The following ZNF501 variants were observed in gnomAD, a reference collection of about 807,000 sequenced individuals.
ZNF501 encodes the protein zinc finger protein 501.
ZNF501 carries 7 observed loss-of-function variants against 5.7 expected under a neutral mutation model. That is an observed-to-expected ratio of 1.24 (90% CI 0.70 to 2.32). ZNF501 has a LOEUF of 2.32. Ranked by LOEUF, ZNF501 falls within the 30% of genes most tolerant of loss-of-function variation. The pLI is 0.00. For synonymous variants in ZNF501, 107 were observed against 101.9 expected (o/e 1.05, Z -0.30); for missense variants, 352 against 321.1 (o/e 1.10, Z -0.73).
chr3:44,729,635 A>G lies in ZNF501; in HGVS notation c.-691A>G, dbSNP rs1455110214. The G allele has an allele frequency of 6.6e-6, 1 of 152,318 alleles. No individual in the cohort carries two copies. Among genetic ancestry groups the G allele is most frequent in the Admixed American group, 6.5e-5 (1 of 15,288 alleles). 9.4% of individuals were successfully genotyped at this position (152,318 alleles called of 1,614,324 possible). ...CGCCGGCTGGGCGCGTCCGGGACTT[A>G]CTCCTTTCCGCAGGGCAGCACCCAG... On this transcript the variant is annotated 5_prime_UTR_variant, in exon 1 of 3. Coordinates refer to ENST00000620116, the MANE Select transcript of ZNF501 (RefSeq NM_001258280.2).
intron 1 of ZNF501, among the ~76,000 whole-genome samples, chr3:44,730,335 A>C (rs1704591845): frequency 6.6e-6 from 1 of 152,252 alleles, no homozygotes; most frequent in African/African-American, 2.4e-5. Flanking sequence ...GGTGGAAGAC[A>C]GAATGTAATC....
At chr3:44,733,331 G>T (rs1014308008) in intron 2 of ZNF501, among the ~76,000 whole-genome samples, 1 of 152,074 alleles carries the variant, frequency 6.6e-6, no homozygotes, top group Non-Finnish European at 1.5e-5. Flanking sequence ...GGGCACCAGG[G>T]TTTCAAAATT....
chr3:44,734,328 A>C lies in ZNF501; in HGVS notation c.-94A>C. The stretch of plus-strand genomic sequence containing the variant: ...GTGTGATGTGTGTGAGCACACACAC[A>C]CAGTAACCTTTCCTAGGAGAACTGT... On this transcript the variant is annotated 5_prime_UTR_variant, in exon 3 of 3. Transcript: ENST00000620116. The C allele has an allele frequency of 9.1e-7, 1 of 1,096,866 alleles. No homozygotes were observed. Among genetic ancestry groups the C allele is most frequent in the Non-Finnish European group, 1.3e-6 (1 of 757,900 alleles). The allele number at this position is 1,096,866 out of a possible 1,614,324, so 67.9% of individuals were successfully genotyped here.
At chr3:44,730,375 T>G (rs1485886280) in intron 1 of ZNF501, among the ~76,000 whole-genome samples, 1 of 152,254 alleles carries the variant, frequency 6.6e-6, no homozygotes, top group Non-Finnish European at 1.5e-5. Flanking sequence ...TAGAAACTTG[T>G]AAAATTCTTT....
At position 44,734,940 on chromosome 3, in the gene ZNF501, G is replaced by C. The variant is rs1704671685; in HGVS notation, c.519G>C (p.Gln173His). 1 of 1,614,064 alleles carries C rather than the reference G, an allele frequency of 6.2e-7. No individual in the cohort carries two copies. The highest frequency in any genetic ancestry group is 8.5e-7 in the Non-Finnish European group (1 of 1,180,018). ...KCNECGKAFN[Q>H]SACLMQHQRI... ...ATGAATGTGGGAAAGCCTTTAATCA[G>C]AGTGCATGTCTCATGCAGCATCAGA... The change falls in exon 3 of 3, where the codon CAG (glutamine) becomes CAC (histidine). Residue 173 changes from glutamine to histidine, a missense_variant. Transcript: ENST00000620116.
rs1704660953 is a variant in ZNF501 at position 44,734,473 on chromosome 3, CAG to C, written c.54_55del (p.Lys19GlufsTer6). 6.2e-7 allele frequency: 1 copy of C among 1,613,956 alleles called. No individual in the cohort carries two copies. The highest frequency in any genetic ancestry group is 8.5e-7 in the Non-Finnish European group (1 of 1,179,968). On this transcript the variant is annotated frameshift_variant, in exon 3 of 3. Coordinates refer to ENST00000620116, the MANE Select transcript of ZNF501 (RefSeq NM_001258280.2). LOFTEE classifies it high-confidence loss of function. ...AATGAAACATGGGAGAGTTAACATG[CAG>C]AAGAAACCTTCAAAGTGTAGTGAAT... ...LRMKHGRVNM[Q>X]KKPSKCSECG... is the part of the protein sequence containing the mutation.
chr3:44,734,919 A>T lies in ZNF501; in HGVS notation c.498A>T (p.Glu166Asp). 1 of 1,614,028 alleles carries T rather than the reference A, an allele frequency of 6.2e-7. No homozygotes were observed. Residue 166 changes from glutamate to aspartate, a missense_variant, in exon 3 of 3, where the codon GAA becomes GAT. Glu to Asp is a conservative substitution (Grantham distance 45, BLOSUM62 2). Transcript: ENST00000620116. ...HSGDKPFKCN[E>D]CGKAFNQSAC... ...GAGATAAACCTTTTAAGTGTAATGA[A>T]TGTGGGAAAGCCTTTAATCAGAGTG... is the stretch of plus-strand genomic sequence containing the variant.
chr3:44,730,273 A>T (rs1160718246), intron 1 of ZNF501, among the ~76,000 whole-genome samples: 1 of 152,198 alleles, frequency 6.6e-6, no homozygotes, highest in South Asian at 2.1e-4. Context: ...AGGTTAGGTA[A>T]CTTGTTCAAA....
intron 2 of ZNF501, among the ~76,000 whole-genome samples, chr3:44,733,494 T>C (rs1485320797): frequency 2.0e-5 from 3 of 152,200 alleles, no homozygotes; most frequent in Admixed American, 1.3e-4. Flanking sequence ...AGCACAGAAG[T>C]TTTTCATTGT....
At chr3:44,730,438 A>T (rs764300008) in intron 1 of ZNF501, among the ~76,000 whole-genome samples, 2 of 152,246 alleles carry the variant, frequency 1.3e-5, no homozygotes, top group African/African-American at 4.8e-5. Flanking sequence ...CCCACAAGGA[A>T]GAGGTGTGAA....
At chr3:44,730,291 G>A (rs550027138) in intron 1 of ZNF501, among the ~76,000 whole-genome samples, 1 of 152,226 alleles carries the variant, frequency 6.6e-6, no homozygotes, top group Non-Finnish European at 1.5e-5. Context: ...AAAAGTCCTA[G>A]TCCTGGAGCC....
chr3:44,732,426 A>G (rs1704628438), intron 2 of ZNF501, among the ~76,000 whole-genome samples: 1 of 152,248 alleles, frequency 6.6e-6, no homozygotes, highest in African/African-American at 2.4e-5. Flanking sequence ...GGTTGCTTAA[A>G]CCAACTGGAG....
At chr3:44,730,988 A>T (rs1704606743) in intron 1 of ZNF501, among the ~76,000 whole-genome samples, 1 of 152,226 alleles carries the variant, frequency 6.6e-6, no homozygotes, top group Admixed American at 6.5e-5. Flanking sequence ...AGCTTTAAAT[A>T]TTATCTAGCT....
chr3:44,734,806 A>G lies in ZNF501; in HGVS notation c.385A>G (p.Thr129Ala), dbSNP rs772211994. 15 of 1,613,938 alleles carry G rather than the reference A, an allele frequency of 9.3e-6. 1 individual carries two copies. The highest frequency in any genetic ancestry group is 3.3e-5 in the Admixed American group (2 of 60,010). ...CCTTATTAAACACCAGCGAATTCAT[A>G]CTGGAGAGAAACCATATAAATGTAC... is the stretch of plus-strand genomic sequence containing the variant. ...PSLIKHQRIH[T>A]GEKPYKCTEC... The change falls in exon 3 of 3, where the codon ACT (threonine) becomes GCT (alanine). Residue 129 changes from threonine to alanine, a missense_variant. Thr to Ala is a moderately conservative substitution (Grantham distance 58). Coordinates refer to ENST00000620116, the MANE Select transcript of ZNF501 (RefSeq NM_001258280.2).
Position 44,735,822 on chromosome 3 carries a change from C to A in ZNF501, c.*585C>A, listed in dbSNP as rs942915344. 3.0e-5 allele frequency: 5 copies of A among 166,642 alleles called. No individual in the cohort carries two copies. Among genetic ancestry groups the A allele is most frequent in the African/African-American group, 1.2e-4 (5 of 41,426 alleles). The allele number at this position is 166,642 out of a possible 1,614,324, so 10.3% of individuals were successfully genotyped here. A position where few individuals can be genotyped will look rare whatever the true frequency, so the allele number is the denominator to read the frequency against. On this transcript the variant is annotated 3_prime_UTR_variant, in exon 3 of 3. Transcript: ENST00000620116. ...GTGTATTTCTGGATACCCTCAAGAT[C>A]TTCATTTAAATTTTGATACTTTCTA... is the stretch of plus-strand genomic sequence containing the variant.
At chr3:44,732,513 A>G (rs563628983) in intron 2 of ZNF501, among the ~76,000 whole-genome samples, 1 of 152,372 alleles carries the variant, frequency 6.6e-6, no homozygotes, top group Non-Finnish European at 1.5e-5. Context: ...GATAGTCCAC[A>G]TATTTAACAA....
rs372111674 is a variant in ZNF501 at position 44,730,818 on chromosome 3, C to T, written c.-310-658C>T. On this transcript the variant is annotated intron_variant, in intron 1 of 2. Transcript: ENST00000620116. ...TGCTGTTGATTCAGCCCGTTCTTAACAAGACCCATTCACCTCACGGCTAGC... is the reference window on the plus strand; with the variant it reads ...TGCTGTTGATTCAGCCCGTTCTTAATAAGACCCATTCACCTCACGGCTAGC... 3.3e-5 allele frequency among the ~76,000 whole-genome samples: 5 copies of T among 152,200 alleles called. No individual in the cohort carries two copies. The East Asian group carries it at 9.6e-4, about 29-fold the overall frequency.
At chr3:44,733,388 A>G (rs1028745323) in intron 2 of ZNF501, among the ~76,000 whole-genome samples, 1 of 152,210 alleles carries the variant, frequency 6.6e-6, no homozygotes, top group African/African-American at 2.4e-5. Context: ...TTCTTTCTCC[A>G]GTTCTTTGTT....
Position 44,729,946 on chromosome 3 carries a change from T to G in ZNF501, c.-380T>G, listed in dbSNP as rs1453359838. ...GCATGTCAGTGAACTTCTGGGCACT[T>G]TAGTTTTCTGATTTCCAGAAGTAAA... On this transcript the variant is annotated 5_prime_UTR_variant, in exon 1 of 3. Coordinates refer to ENST00000620116, the MANE Select transcript of ZNF501 (RefSeq NM_001258280.2). The G allele has an allele frequency of 1.3e-5, 2 of 152,228 alleles. No homozygotes were observed. Among genetic ancestry groups the G allele is most frequent in the Non-Finnish European group, 2.9e-5 (2 of 68,044 alleles). 9.4% of individuals were successfully genotyped at this position (152,228 alleles called of 1,614,324 possible).
Sources: allele counts gnomAD v4.1 joint callset (sites outside exome capture counted in the v4.1 genomes callset), GRCh38; gene constraint gnomAD v4.1.1; transcripts MANE v1.5; gene names NCBI Gene and HGNC (gene_info 2026-07-23, HGNC 2026-07-21).